The following TTPA variants were observed in gnomAD, a reference collection of about 807,000 sequenced individuals.
The protein encoded by TTPA is alpha-tocopherol transfer protein.
In TTPA, 23 loss-of-function variants were observed where a neutral mutation model predicts 25.9. That is an observed-to-expected ratio of 0.89 (90% CI 0.64 to 1.26). The LOEUF is 1.26. TTPA is among the 50% of genes most tolerant of loss of function. The pLI is 0.00. For missense variants in TTPA, 337 were observed against 353.1 expected, an observed-to-expected ratio of 0.95 and a Z score of 0.37; for synonymous variants, 148 against 137.3, an observed-to-expected ratio of 1.08 and a Z score of -0.54.
chr8:63,066,242 T>C (rs1392612212), intron 2 of TTPA, 145 bp from the exon 3 acceptor site: 1 of 877,136 alleles, frequency 1.1e-6, no homozygotes, highest in African/African-American at 1.7e-5. Flanking sequence ...TAAATCCAAC[T>C]GGCGTCCAAG....
intron 1 of TTPA, among the ~76,000 whole-genome samples, chr8:63,077,242 C>T (rs181122918): frequency 1.3e-5 from 2 of 152,298 alleles, no homozygotes; most frequent in East Asian, 1.9e-4. Context: ...CCAGTGTGAT[C>T]GATGCAGAAG....
In TTPA at chr8:63,066,042, G is replaced by A. The variant is rs779719601; in HGVS notation, c.414C>T (p.Ile138=). 6.2e-7 allele frequency: 1 copy of A among 1,614,016 alleles called. No individual in the cohort carries two copies. Among genetic ancestry groups the A allele is most frequent in the South Asian group, 1.1e-5 (1 of 91,080 alleles). ...TAYDVFRVSL[I]TSELIVQEVE... is the part of the protein sequence containing the mutation. The stretch of plus-strand genomic sequence containing the variant: ...CCTCCTGTACAATAAGCTCGGATGT[G>A]ATTAGACTTACTCGAAATACGTCAT... The change falls in exon 3 of 5, where the codon ATC becomes ATT. Residue 138 remains isoleucine (I), a synonymous_variant. Coordinates refer to ENST00000260116, the MANE Select transcript of TTPA (RefSeq NM_000370.3).
At position 63,072,907 on chromosome 8, in the gene TTPA, A is replaced by G. The variant is rs764540742; in HGVS notation, c.358+28T>C. On this transcript the variant is annotated intron_variant, in intron 2 of 4. Coordinates refer to ENST00000260116, the MANE Select transcript of TTPA (RefSeq NM_000370.3). ...ACACAACTGAACTGGAGGAGAGGAGAAAAAAAAAAGAGTTGTGTATGACTT... is the reference window on the plus strand; with the variant it reads ...ACACAACTGAACTGGAGGAGAGGAGGAAAAAAAAAGAGTTGTGTATGACTT... 8 of 1,498,334 alleles carry G rather than the reference A, an allele frequency of 5.3e-6. No individual in the cohort carries two copies. The African/African-American group carries it at 7.0e-5, about 13-fold the overall frequency. The allele number at this position is 1,498,334 out of a possible 1,614,324, so 92.8% of individuals were successfully genotyped here. A position where few individuals can be genotyped will look rare whatever the true frequency, so the allele number is the denominator to read the frequency against.
chr8:63,079,739 C>T (rs1454300307), intron 1 of TTPA, among the ~76,000 whole-genome samples: 1 of 152,156 alleles, frequency 6.6e-6, no homozygotes, highest in African/African-American at 2.4e-5. Context: ...TAACACCCCA[C>T]TGTCAATATT....
intron 3 of TTPA, among the ~76,000 whole-genome samples, chr8:63,064,880 G>A (rs1446187245): frequency 6.6e-6 from 1 of 152,070 alleles, no homozygotes; most frequent in Admixed American, 6.6e-5. Flanking sequence ...TTTATGTGAA[G>A]TTCTTTTATT....
At chr8:63,066,812 G>C (rs1805397973) in intron 2 of TTPA, among the ~76,000 whole-genome samples, 1 of 152,052 alleles carries the variant, frequency 6.6e-6, no homozygotes, top group Non-Finnish European at 1.5e-5. Context: ...TTAAAAATTA[G>C]AATATTAAAC....
chr8:63,075,355 G>T (rs576109689), intron 1 of TTPA, among the ~76,000 whole-genome samples: 1 of 152,246 alleles, frequency 6.6e-6, no homozygotes, highest in Admixed American at 6.5e-5. Flanking sequence ...AGGGTCTAAT[G>T]CCATCTTTTG....
intron 1 of TTPA, among the ~76,000 whole-genome samples, chr8:63,077,490 G>A (rs1194813793): frequency 1.3e-5 from 2 of 152,234 alleles, no homozygotes; most frequent in African/African-American, 4.8e-5. Context: ...TTAGCAACTG[G>A]CACACAAGGA....
intron 1 of TTPA, among the ~76,000 whole-genome samples, chr8:63,082,566 CAGGCCAT>C (rs1195862901): frequency 6.6e-6 from 1 of 152,202 alleles, no homozygotes; most frequent in Non-Finnish European, 1.5e-5. Flanking sequence ...CAATACCATT[CAGGCCAT>C]AGGTGTGGGC....
At position 63,059,839 on chromosome 8, in the gene TTPA, A is replaced by G. The variant is rs1805273287; in HGVS notation, c.*1413T>C. The G allele has an allele frequency of 6.6e-6, 1 of 151,950 alleles. No homozygotes were observed. The highest frequency in any genetic ancestry group is 1.5e-5 in the Non-Finnish European group (1 of 67,990). The allele number at this position is 151,950 out of a possible 1,614,324, so 9.4% of individuals were successfully genotyped here. ...AACACATGGACACAGGAAGGGGAACATCACACACCGGGGCCTATTTATTTA... is the reference window on the plus strand; with the variant it reads ...AACACATGGACACAGGAAGGGGAACGTCACACACCGGGGCCTATTTATTTA... On this transcript the variant is annotated 3_prime_UTR_variant, in exon 5 of 5. Coordinates refer to ENST00000260116, the MANE Select transcript of TTPA (RefSeq NM_000370.3).
intron 4 of TTPA, among the ~76,000 whole-genome samples, chr8:63,063,691 C>T (rs1805344374): frequency 6.6e-6 from 1 of 152,044 alleles, no homozygotes; most frequent in Admixed American, 6.6e-5. Flanking sequence ...ATTCTTATTT[C>T]TCCCCTTTGT....
At chr8:63,080,707 G>C (rs898334329) in intron 1 of TTPA, among the ~76,000 whole-genome samples, 1 of 142,298 alleles carries the variant, frequency 7.0e-6, no homozygotes. Flanking sequence ...GTGACAGAGC[G>C]AGACTCCGTA....
At chr8:63,062,367 A>G (rs1416099023) in intron 4 of TTPA, among the ~76,000 whole-genome samples, 1 of 152,162 alleles carries the variant, frequency 6.6e-6, no homozygotes, top group East Asian at 1.9e-4. Context: ...ATAAATAAAT[A>G]ACCTTTTTTC....
chr8:63,070,564 T>C (rs961409287), intron 2 of TTPA, among the ~76,000 whole-genome samples: 1 of 152,214 alleles, frequency 6.6e-6, no homozygotes, highest in Non-Finnish European at 1.5e-5. Flanking sequence ...CTTCCTGTTC[T>C]GACCATCACT....
intron 2 of TTPA, among the ~76,000 whole-genome samples, chr8:63,067,412 G>A (rs1438342810): frequency 6.7e-6 from 1 of 148,174 alleles, no homozygotes. Flanking sequence ...ACAGAGGAGA[G>A]AGGAATCATA....
chr8:63,076,206 C>T (rs541584345), intron 1 of TTPA, among the ~76,000 whole-genome samples: 1 of 152,218 alleles, frequency 6.6e-6, no homozygotes, highest in South Asian at 2.1e-4. Context: ...TCCATGAAAA[C>T]CCTACTTACC....
chr8:63,083,873 T>G (rs555709123), intron 1 of TTPA, among the ~76,000 whole-genome samples: 4 of 135,068 alleles, frequency 3.0e-5, no homozygotes, highest in South Asian at 2.3e-4. Flanking sequence ...AGTTATAGAG[T>G]TTTTTTTCTT....
intron 3 of TTPA, among the ~76,000 whole-genome samples, chr8:63,065,284 C>T (rs147424608): frequency 2.0e-5 from 3 of 152,224 alleles, no homozygotes; most frequent in East Asian, 1.9e-4. Flanking sequence ...GCCTGGGCAT[C>T]GCTATGTCAC....
At chr8:63,081,133 T>G (rs1008272351) in intron 1 of TTPA, among the ~76,000 whole-genome samples, 2 of 151,988 alleles carry the variant, frequency 1.3e-5, no homozygotes, top group Non-Finnish European at 2.9e-5. Flanking sequence ...CCTCACAAAC[T>G]CATTTTATGA....
Sources: allele counts gnomAD v4.1 joint callset (sites outside exome capture counted in the v4.1 genomes callset), GRCh38; gene constraint gnomAD v4.1.1; transcripts MANE v1.5; gene names NCBI Gene and HGNC (gene_info 2026-07-23, HGNC 2026-07-21).